The following VWA3B variants were observed in gnomAD, a reference collection of about 807,000 sequenced individuals.
VWA3B encodes von Willebrand factor A domain-containing protein 3B.
A neutral mutation model predicts 158.3 loss-of-function variants in VWA3B; 138 were observed. The observed-to-expected ratio is 0.87, with a 90% CI of 0.76 to 1.00. The LOEUF (loss-of-function observed/expected upper bound fraction) is 1.00. Among genes scored for constraint, VWA3B ranks in the 50% least tolerant of loss-of-function variants. VWA3B has a pLI of 0.00. For missense variants in VWA3B, 1,555 were observed against 1,565.1 expected, an observed-to-expected ratio of 0.99 and a Z score of 0.11; for synonymous variants, 596 against 587.3, an observed-to-expected ratio of 1.01 and a Z score of -0.21.
chr2:98,242,307 C>A (rs1314401039), intron 19 of VWA3B: 1 of 456,082 alleles, frequency 2.2e-6, no homozygotes, highest in Non-Finnish European at 4.4e-6. Context: ...AGGTATTGAG[C>A]AAAGAGGTTG....
chr2:98,133,947 G>A lies in VWA3B; in HGVS notation c.988+8G>A. 2 of 1,612,272 alleles carry A rather than the reference G, an allele frequency of 1.2e-6. No homozygotes were observed. The highest frequency in any genetic ancestry group is 8.5e-7 in the Non-Finnish European group (1 of 1,178,316). ...AAGGAAAACTCCCTCCAGGTACCTG[G>A]AATCCAAAAGAAGTGGTGTAGCTTA... On this transcript the variant is annotated splice_region_variant and intron_variant, in intron 7 of 27. Coordinates refer to ENST00000477737, the MANE Select transcript of VWA3B (RefSeq NM_144992.5).
At chr2:98,284,694 TG>T (rs1689065044) in intron 22 of VWA3B, among the ~76,000 whole-genome samples, 2 of 152,216 alleles carry the variant, frequency 1.3e-5, no homozygotes, top group Admixed American at 1.3e-4. Context: ...CTTTGTGTCA[TG>T]GAGAAGAAGA....
At chr2:98,280,738 C>T (rs547510140) in intron 22 of VWA3B, among the ~76,000 whole-genome samples, 19 of 152,156 alleles carry the variant, frequency 1.2e-4, no homozygotes, top group Non-Finnish European at 2.4e-4. Flanking sequence ...CGGGGGAAAA[C>T]CTCACAAAGC....
chr2:98,306,913 T>G (rs1690560716), intron 26 of VWA3B, among the ~76,000 whole-genome samples: 1 of 152,200 alleles, frequency 6.6e-6, no homozygotes, highest in South Asian at 2.1e-4. Flanking sequence ...AGTTTAATGC[T>G]CATAAGCAGA....
intron 1 of VWA3B, among the ~76,000 whole-genome samples, chr2:98,088,022 G>A (rs961993618): frequency 2.0e-5 from 3 of 152,014 alleles, no homozygotes; most frequent in African/African-American, 7.3e-5. Context: ...CCTTGTCTCT[G>A]TCCACATTAT....
chr2:98,142,135 AGTC>A (rs1217974186), intron 7 of VWA3B, among the ~76,000 whole-genome samples: 1 of 152,154 alleles, frequency 6.6e-6, no homozygotes, highest in Non-Finnish European at 1.5e-5. Flanking sequence ...GGTGGGGTCT[AGTC>A]GTTGGATATC....
chr2:98,151,119 AT>A (rs112339447), intron 7 of VWA3B, among the ~76,000 whole-genome samples: 460 of 143,780 alleles, frequency 3.2e-3, no homozygotes, highest in East Asian at 6.4e-3. Context: ...ACTAGTGCTA[AT>A]TTTTTTTTTT....
intron 10 of VWA3B, among the ~76,000 whole-genome samples, chr2:98,189,288 T>C (rs1232962146): frequency 2.0e-5 from 3 of 152,150 alleles, no homozygotes; most frequent in African/African-American, 7.2e-5. Flanking sequence ...GCACCTGTAG[T>C]CCCAGCCGTT....
At chr2:98,296,800 A>T (rs939243202) in intron 23 of VWA3B, among the ~76,000 whole-genome samples, 1 of 152,156 alleles carries the variant, frequency 6.6e-6, no homozygotes, top group Non-Finnish European at 1.5e-5. Flanking sequence ...ATAAATTTCA[A>T]GTCGGATAAA....
chr2:98,222,717 C>A (rs1684612718), intron 14 of VWA3B, among the ~76,000 whole-genome samples: 2 of 152,166 alleles, frequency 1.3e-5, no homozygotes, highest in African/African-American at 4.8e-5. Context: ...CCAGCAAGGA[C>A]CAGTGGGGTC....
At chr2:98,306,824 G>A (rs1428441678) in intron 26 of VWA3B, among the ~76,000 whole-genome samples, 1 of 152,190 alleles carries the variant, frequency 6.6e-6, no homozygotes, top group East Asian at 1.9e-4. Flanking sequence ...CATGGTGGAA[G>A]TCTTCATTGA....
At chr2:98,091,817 A>C (rs954275959) in intron 1 of VWA3B, among the ~76,000 whole-genome samples, 10 of 152,228 alleles carry the variant, frequency 6.6e-5, no homozygotes, top group Admixed American at 4.6e-4. Flanking sequence ...TTTACAATTC[A>C]GGGTATCAGT....
intron 13 of VWA3B, chr2:98,212,305 C>T (rs989681628): frequency 6.7e-6 from 2 of 298,716 alleles, no homozygotes; most frequent in African/African-American, 4.2e-5. Flanking sequence ...CGTCTGCTGT[C>T]CACTGAAGAC....
chr2:98,095,347 T>C (rs1418517348), intron 2 of VWA3B, among the ~76,000 whole-genome samples: 1 of 152,218 alleles, frequency 6.6e-6, no homozygotes, highest in Non-Finnish European at 1.5e-5. Flanking sequence ...TAGTTAAATT[T>C]ATTCCTAAGT....
At chr2:98,220,228 C>T (rs879405009) in intron 14 of VWA3B, among the ~76,000 whole-genome samples, 10 of 149,576 alleles carry the variant, frequency 6.7e-5, no homozygotes, top group East Asian at 1.9e-4. Flanking sequence ...AACAAGCCTG[C>T]GGTACCAGAA....
chr2:98,240,608 G>C (rs1686016257), intron 19 of VWA3B, among the ~76,000 whole-genome samples: 1 of 152,166 alleles, frequency 6.6e-6, no homozygotes, highest in African/African-American at 2.4e-5. Context: ...GAAGAACTCT[G>C]TGTAATACTT....
chr2:98,167,633 A>T (rs1679197912), intron 8 of VWA3B, among the ~76,000 whole-genome samples: 1 of 152,206 alleles, frequency 6.6e-6, no homozygotes, highest in African/African-American at 2.4e-5. Context: ...ACCAGAGAGG[A>T]GACAGATGCA....
intron 19 of VWA3B, among the ~76,000 whole-genome samples, chr2:98,244,262 A>G (rs918976389): frequency 1.3e-5 from 2 of 152,198 alleles, no homozygotes; most frequent in Non-Finnish European, 2.9e-5. Flanking sequence ...AATTGGGGGC[A>G]GTTTACTTGG....
At chr2:98,200,446 G>T (rs1472516734) in intron 12 of VWA3B, among the ~76,000 whole-genome samples, 1 of 151,400 alleles carries the variant, frequency 6.6e-6, no homozygotes, top group Non-Finnish European at 1.5e-5. Flanking sequence ...GGAGGCTGAG[G>T]CAAGAGAATG....
Sources: allele counts gnomAD v4.1 joint callset (sites outside exome capture counted in the v4.1 genomes callset), GRCh38; gene constraint gnomAD v4.1.1; transcripts MANE v1.5; gene names NCBI Gene and HGNC (gene_info 2026-07-23, HGNC 2026-07-21).